The following ADGRL2 variants were observed in gnomAD, a reference collection of about 807,000 sequenced individuals.
ADGRL2 encodes calcium-independent alpha-latrotoxin receptor 2.
ADGRL2 carries 44 observed loss-of-function variants against 157.4 expected under a neutral mutation model. That is an observed-to-expected ratio of 0.28 (90% confidence interval 0.22 to 0.36). The LOEUF (loss-of-function observed/expected upper bound fraction) is 0.36, where lower values mean the gene tolerates loss of function less well. ADGRL2 is among the 10% of genes least tolerant of loss of function. The pLI is 1.00. For synonymous variants in ADGRL2, 585 were observed against 624.7 expected (o/e 0.94, Z 0.95); for missense variants, 1,510 against 1,768.9 (o/e 0.85, Z 2.63).
intron 3 of ADGRL2, among the ~76,000 whole-genome samples, chr1:81,622,718 G>A (rs891058317): frequency 6.6e-5 from 10 of 152,288 alleles, no homozygotes; most frequent in Non-Finnish European, 1.3e-4. Flanking sequence ...TTGTGCCACC[G>A]TACTCCAACC....
chr1:81,481,555 G>A (rs923021673), intron 2 of ADGRL2, among the ~76,000 whole-genome samples: 1 of 152,112 alleles, frequency 6.6e-6, no homozygotes, highest in African/African-American at 2.4e-5. Flanking sequence ...CCCTGATTTG[G>A]GGGAAGACCA....
chr1:81,443,556 A>G (rs1363511305), intron 1 of ADGRL2, among the ~76,000 whole-genome samples: 1 of 152,160 alleles, frequency 6.6e-6, no homozygotes, highest in African/African-American at 2.4e-5. Context: ...TTTGAGACCC[A>G]CTTGATAGAA....
intron 2 of ADGRL2, among the ~76,000 whole-genome samples, chr1:81,575,057 A>T (rs947224546): frequency 1.3e-5 from 2 of 152,200 alleles, no homozygotes; most frequent in Admixed American, 6.6e-5. Flanking sequence ...TAGCTAGAGG[A>T]TTAAAAGTCA....
chr1:81,876,008 G>C lies in ADGRL2; in HGVS notation c.74-31009G>C, dbSNP rs144845516. Among the ~76,000 whole-genome samples, 667 of 152,230 alleles carry C rather than the reference G, an allele frequency of 4.4e-3. 1 individual carries two copies. Among genetic ancestry groups the C allele is most frequent in the Middle Eastern group, 6.8e-3 (2 of 294 alleles). On this transcript the variant is annotated intron_variant, in intron 2 of 23. Coordinates refer to ENST00000686636, the MANE Select transcript of ADGRL2 (RefSeq NM_001366006.2). The stretch of plus-strand genomic sequence containing the variant: ...GCTTGTAAAACAAGTCTTTTTCTAA[G>C]AGTCTAGACCTTGAGAATTATGTTT...
At chr1:81,526,553 G>C (rs866695744) in intron 2 of ADGRL2, among the ~76,000 whole-genome samples, 2 of 152,306 alleles carry the variant, frequency 1.3e-5, no homozygotes, top group Non-Finnish European at 1.5e-5. Flanking sequence ...AAATTACTTT[G>C]AATGTAGAGA....
At chr1:81,503,851 C>G (rs1214351249) in intron 2 of ADGRL2, among the ~76,000 whole-genome samples, 2 of 152,168 alleles carry the variant, frequency 1.3e-5, no homozygotes, top group Non-Finnish European at 1.5e-5. Flanking sequence ...TTTCCCTGCC[C>G]CTGCCTTCTG....
intron 3 of ADGRL2, among the ~76,000 whole-genome samples, chr1:81,931,316 CTTAATA>C (rs2095226032): frequency 1.3e-5 from 2 of 152,240 alleles, no homozygotes; most frequent in Middle Eastern, 3.4e-3. Flanking sequence ...GGTATTTGAA[CTTAATA>C]TTAAAAGGTT....
At chr1:81,736,471 G>T (rs967258753) in intron 1 of ADGRL2, among the ~76,000 whole-genome samples, 7 of 152,056 alleles carry the variant, frequency 4.6e-5, no homozygotes, top group Admixed American at 2.6e-4. Flanking sequence ...TTATTTATTG[G>T]GTTATTGGAT....
chr1:81,552,685 G>C (rs943398274), intron 2 of ADGRL2, among the ~76,000 whole-genome samples: 1 of 151,074 alleles, frequency 6.6e-6, no homozygotes, highest in African/African-American at 2.4e-5. Flanking sequence ...ACTAAGCCTG[G>C]TCAGATACAT....
chr1:81,504,376 C>T (rs2078922920), intron 2 of ADGRL2, among the ~76,000 whole-genome samples: 2 of 152,196 alleles, frequency 1.3e-5, no homozygotes, highest in African/African-American at 4.8e-5. Flanking sequence ...TCACCATCCC[C>T]ACACGTGCCG....
chr1:81,934,816 G>A (rs1015449722), intron 3 of ADGRL2, among the ~76,000 whole-genome samples: 2 of 151,922 alleles, frequency 1.3e-5, no homozygotes, highest in Non-Finnish European at 2.9e-5. Flanking sequence ...ACACACAGTT[G>A]TTTATCTTTC....
intron 3 of ADGRL2, among the ~76,000 whole-genome samples, chr1:81,586,628 A>T (rs942988980): frequency 1.3e-5 from 2 of 152,116 alleles, no homozygotes; most frequent in African/African-American, 4.8e-5. Flanking sequence ...TATTTAGAAA[A>T]AGCTAAAAAT....
intron 3 of ADGRL2, chr1:81,586,171 T>C (rs572857616): frequency 2.8e-4 from 43 of 152,228 alleles, no homozygotes; most frequent in African/African-American, 9.1e-4. Context: ...CAAATCTATA[T>C]ATTAGCCAGG....
At chr1:81,317,518 GT>G (rs1660191107) in intron 1 of ADGRL2, among the ~76,000 whole-genome samples, 1 of 152,124 alleles carries the variant, frequency 6.6e-6, no homozygotes, top group South Asian at 2.1e-4. Flanking sequence ...TGTTTTGAGA[GT>G]TGTATGTTGT....
chr1:81,431,460 A>G (rs957251908), intron 1 of ADGRL2, among the ~76,000 whole-genome samples: 1 of 152,130 alleles, frequency 6.6e-6, no homozygotes. Flanking sequence ...TGGCCCCTAG[A>G]GAATCTTCTG....
Position 81,622,742 on chromosome 1 carries a change from G to A in ADGRL2, c.-143+41762G>A, listed in dbSNP as rs903585403. 6.6e-5 allele frequency among the ~76,000 whole-genome samples: 10 copies of A among 152,318 alleles called. No individual in the cohort carries two copies. In the South Asian group the frequency reaches 1.2e-3, roughly 19 times the overall value. On this transcript the variant is annotated intron_variant, in intron 3 of 24. Coordinates refer to the ADGRL2 transcript ENST00000370721. ...CGTACTCCAACCTGGGCAACAGGGCGAGACCCTGTCTCTTAAAAACAACAA... is the reference window on the plus strand; with the variant it reads ...CGTACTCCAACCTGGGCAACAGGGCAAGACCCTGTCTCTTAAAAACAACAA...
chr1:81,317,749 A>G (rs1442129468), intron 1 of ADGRL2, among the ~76,000 whole-genome samples: 1 of 152,168 alleles, frequency 6.6e-6, no homozygotes, highest in Non-Finnish European at 1.5e-5. Context: ...TGAAACAATC[A>G]TTTGTAAGTA....
At chr1:81,905,342 C>A (rs1378339813) in intron 2 of ADGRL2, among the ~76,000 whole-genome samples, 1 of 152,152 alleles carries the variant, frequency 6.6e-6, no homozygotes, top group African/African-American at 2.4e-5. Context: ...AGGTGATCCA[C>A]CCGCCTCAGC....
intron 3 of ADGRL2, among the ~76,000 whole-genome samples, chr1:81,674,134 A>G (rs1432734783): frequency 6.6e-6 from 1 of 152,220 alleles, no homozygotes; most frequent in Non-Finnish European, 1.5e-5. Flanking sequence ...AAATTTTAAG[A>G]ATTTTAATAG....
Sources: allele counts gnomAD v4.1 joint callset (sites outside exome capture counted in the v4.1 genomes callset), GRCh38; gene constraint gnomAD v4.1.1; transcripts MANE v1.5; gene names NCBI Gene and HGNC (gene_info 2026-07-23, HGNC 2026-07-21).